The following E2F7 variants were observed in gnomAD, a reference collection of about 807,000 sequenced individuals.
The protein encoded by E2F7 is E2F transcription factor 7, also known as transcription factor E2F7.
E2F7 carries 35 observed loss-of-function variants against 81.1 expected under a neutral mutation model. The observed-to-expected ratio is 0.43, with a 90% CI of 0.33 to 0.57. E2F7 has a LOEUF of 0.57. Ranked by LOEUF, E2F7 falls within the 20% of genes least tolerant of loss-of-function variation. E2F7 has a pLI of 0.04. For missense variants in E2F7, 961 were observed against 1,093.7 expected (o/e 0.88, Z 1.71); for synonymous variants, 416 against 416.2 (o/e 1.00, Z 0.01).
intron 10 of E2F7, among the ~76,000 whole-genome samples, chr12:77,029,331 T>C (rs1954784511): frequency 6.6e-6 from 1 of 152,204 alleles, no homozygotes; most frequent in South Asian, 2.1e-4. Context: ...AAGCAGGAGA[T>C]GTGGACAGCT....
At chr12:77,051,537 A>G (rs1265709258) in intron 3 of E2F7, among the ~76,000 whole-genome samples, 1 of 152,166 alleles carries the variant, frequency 6.6e-6, no homozygotes, top group Non-Finnish European at 1.5e-5. Context: ...ACCTAATGTA[A>G]ATGATGAGTT....
chr12:77,023,941 T>C lies in E2F7; in HGVS notation c.*74A>G. Reference sequence around the variant, plus strand: ...GGAAGGACCCGTGCTCAGGACGGGATGGTTTGCATCCCGCCTCGGACATCC... The same window carrying C: ...GGAAGGACCCGTGCTCAGGACGGGACGGTTTGCATCCCGCCTCGGACATCC... On this transcript the variant is annotated 3_prime_UTR_variant, in exon 13 of 13. Coordinates refer to ENST00000322886, the MANE Select transcript of E2F7 (RefSeq NM_203394.3). 6.5e-7 allele frequency: 1 copy of C among 1,549,190 alleles called. No homozygotes were observed. The highest frequency in any genetic ancestry group is 8.7e-7 in the Non-Finnish European group (1 of 1,145,352).
intron 2 of E2F7, among the ~76,000 whole-genome samples, chr12:77,057,171 G>C (rs1955040132): frequency 6.6e-6 from 1 of 152,076 alleles, no homozygotes; most frequent in South Asian, 2.1e-4. Context: ...TCCCACCTCA[G>C]CCTCCCAAAG....
chr12:77,043,458 G>A (rs74103244), intron 6 of E2F7, among the ~76,000 whole-genome samples: 57 of 152,142 alleles, frequency 3.7e-4, no homozygotes, highest in African/African-American at 1.3e-3. Context: ...GCGACAAACA[G>A]GGAGCACTGT....
Position 77,025,819 on chromosome 12 carries a change from A to C in E2F7, c.2304T>G (p.Val768=). The change falls in exon 12 of 13, where the codon GTT becomes GTG. Residue 768 remains valine (V), a synonymous_variant. Transcript: ENST00000322886. ...VLYSPAMPGP[V]SSTLGALPNT... ...TTGGGAGAGCACCAAGAGTAGAAGAAACCGGGCCCGGCATTGCAGGAGAAT... is the reference window on the plus strand; with the variant it reads ...TTGGGAGAGCACCAAGAGTAGAAGACACCGGGCCCGGCATTGCAGGAGAAT... The C allele has an allele frequency of 6.2e-7, 1 of 1,614,064 alleles. No homozygotes were observed. Among genetic ancestry groups the C allele is most frequent in the South Asian group, 1.1e-5 (1 of 91,070 alleles).
At chr12:77,032,206 C>T (rs1369457472) in intron 9 of E2F7, among the ~76,000 whole-genome samples, 1 of 152,230 alleles carries the variant, frequency 6.6e-6, no homozygotes, top group African/African-American at 2.4e-5. Flanking sequence ...ATCAGTGAAC[C>T]TCCAATAGCT....
At chr12:77,036,910 CA>C (rs1289761743) in intron 7 of E2F7, among the ~76,000 whole-genome samples, 1 of 152,026 alleles carries the variant, frequency 6.6e-6, no homozygotes, top group African/African-American at 2.4e-5. Context: ...CCTGGCTAAT[CA>C]GCTAATTTTT....
At chr12:77,032,630 C>T (rs1954816019) in intron 9 of E2F7, among the ~76,000 whole-genome samples, 2 of 152,220 alleles carry the variant, frequency 1.3e-5, no homozygotes, top group Non-Finnish European at 2.9e-5. Flanking sequence ...GAGGGTAATA[C>T]CTCTCTGTAA....
At chr12:77,049,525 A>G (rs1954969373) in intron 4 of E2F7, among the ~76,000 whole-genome samples, 1 of 152,198 alleles carries the variant, frequency 6.6e-6, no homozygotes, top group Non-Finnish European at 1.5e-5. Flanking sequence ...TTTCCAAGTT[A>G]TAGACCAAAA....
At chr12:77,034,790 T>C (rs916067204) in intron 7 of E2F7, among the ~76,000 whole-genome samples, 2 of 152,232 alleles carry the variant, frequency 1.3e-5, no homozygotes, top group Non-Finnish European at 2.9e-5. Context: ...AGTTAGAGGA[T>C]TGATTTAATA....
In E2F7 at chr12:77,021,645, GCA is replaced by G. The variant is rs1954711494; in HGVS notation, c.*2368_*2369del. On this transcript the variant is annotated 3_prime_UTR_variant, in exon 13 of 13. Transcript: ENST00000322886. Reference sequence around the variant, plus strand: ...TTTTACAAACCCTGGTCAGTGTAGGGCACACACAGCCTCTGTGACAACTCAAA... The same window carrying G: ...TTTTACAAACCCTGGTCAGTGTAGGGCACACAGCCTCTGTGACAACTCAAA... 1 of 152,582 alleles carries G rather than the reference GCA, an allele frequency of 6.6e-6. No individual in the cohort carries two copies. The highest frequency in any genetic ancestry group is 6.5e-5 in the Admixed American group (1 of 15,270). 9.5% of individuals were successfully genotyped at this position (152,582 alleles called of 1,614,324 possible).
chr12:77,036,906 TA>T, intron 7 of E2F7, among the ~76,000 whole-genome samples: 1 of 152,210 alleles, frequency 6.6e-6, no homozygotes, highest in East Asian at 1.9e-4. Context: ...CACGCCTGGC[TA>T]ATCAGCTAAT....
chr12:77,046,994 G>C (rs1454289094), intron 4 of E2F7, among the ~76,000 whole-genome samples: 1 of 152,160 alleles, frequency 6.6e-6, no homozygotes, highest in Non-Finnish European at 1.5e-5. Flanking sequence ...GTCTCCTTTT[G>C]TTCATCATGG....
Position 77,025,565 on chromosome 12 carries a change from A to G in E2F7, c.2558T>C (p.Leu853Ser), listed in dbSNP as rs1421247861. 6.2e-7 allele frequency: 1 copy of G among 1,613,992 alleles called. No individual in the cohort carries two copies. The highest frequency in any genetic ancestry group is 1.1e-5 in the South Asian group (1 of 91,074). ...GGAAACTTCAGGCCTCACCTGATGT[A>G]ATTTTACTACTGAGACTGGATGTCC... is the stretch of plus-strand genomic sequence containing the variant. ...YVGHPVSVVK[L>S]HQSPVPVTPK... Residue 853 changes from leucine (L) to serine (S), a missense_variant, in exon 12 of 13, where the codon TTA becomes TCA. Leu to Ser is a moderately radical substitution (Grantham distance 145, BLOSUM62 -2). This residue lies in a region of E2F7 where 587 missense variants were observed against 620.3 expected (regional missense o/e 0.95). Coordinates refer to ENST00000322886, the MANE Select transcript of E2F7 (RefSeq NM_203394.3).
intron 7 of E2F7, among the ~76,000 whole-genome samples, chr12:77,036,254 T>G (rs1377743634): frequency 6.6e-6 from 1 of 152,068 alleles, no homozygotes; most frequent in Non-Finnish European, 1.5e-5. Context: ...AAACCAATCA[T>G]AGAGAGAAAC....
At chr12:77,033,460 C>T (rs1565898169) in intron 8 of E2F7, among the ~76,000 whole-genome samples, 1 of 152,022 alleles carries the variant, frequency 6.6e-6, no homozygotes, top group Non-Finnish European at 1.5e-5. Flanking sequence ...TGCAGTGAGC[C>T]GTGATCATGC....
At chr12:77,045,871 A>G (rs1954935381) in intron 5 of E2F7, 167 bp downstream of exon 5, 2 of 836,642 alleles carry the variant, frequency 2.4e-6, no homozygotes, top group Non-Finnish European at 3.6e-6. Context: ...TCAAGTGGGC[A>G]GTCCAGTTGG....
At chr12:77,034,089 A>G (rs754505636) in intron 7 of E2F7, 47 bp from the exon 8 acceptor site, 5 of 1,533,820 alleles carry the variant, frequency 3.3e-6, no homozygotes, top group Non-Finnish European at 4.4e-6. Context: ...GCTGTAATTC[A>G]GGATAATTTT....
intron 3 of E2F7, among the ~76,000 whole-genome samples, chr12:77,050,997 A>T (rs1432529291): frequency 6.6e-6 from 1 of 152,148 alleles, no homozygotes; most frequent in African/African-American, 2.4e-5. Context: ...AATGAGAGTC[A>T]TTTACAGGTT....
Sources: allele counts gnomAD v4.1 joint callset (sites outside exome capture counted in the v4.1 genomes callset), GRCh38; gene constraint gnomAD v4.1.1; regional missense constraint gnomAD v4.1.1; transcripts MANE v1.5; gene names NCBI Gene and HGNC (gene_info 2026-07-23, HGNC 2026-07-21).